Variants in NXPE3 observed in about 807,000 individuals in gnomAD.
NXPE3 encodes the protein neurexophilin and PC-esterase domain family member 3.
A neutral mutation model predicts 46.1 loss-of-function variants in NXPE3; 26 were observed. That is an observed-to-expected ratio of 0.56 (90% confidence interval 0.41 to 0.78). The LOEUF (loss-of-function observed/expected upper bound fraction) is 0.78, where lower values mean the gene tolerates loss of function less well. Among genes scored for constraint, NXPE3 ranks in the 30% least tolerant of loss-of-function variants. NXPE3 has a pLI of 0.00. For synonymous variants in NXPE3, 272 were observed against 257.9 expected (o/e 1.05, Z -0.52); for missense variants, 620 against 686.0 (o/e 0.90, Z 1.07).
intron 3 of NXPE3, among the ~76,000 whole-genome samples, chr3:101,783,723 T>C (rs1481544301): frequency 1.3e-5 from 2 of 152,236 alleles, no homozygotes; most frequent in African/African-American, 4.8e-5. Context: ...TCCTGTGGAC[T>C]ACCATCTTTG....
intron 1 of NXPE3, chr3:101,780,007 G>A (rs974091090): frequency 6.6e-6 from 1 of 152,244 alleles, no homozygotes; most frequent in Non-Finnish European, 1.5e-5. Context: ...AATAAGAGGG[G>A]TTCCGAGGCA....
intron 4 of NXPE3, among the ~76,000 whole-genome samples, chr3:101,788,879 G>C (rs1027953339): frequency 6.6e-6 from 1 of 152,144 alleles, no homozygotes; most frequent in South Asian, 2.1e-4. Flanking sequence ...GCCTCCCAAA[G>C]TGCTGGGATT....
At chr3:101,786,863 A>G (rs1256811021) in intron 4 of NXPE3, among the ~76,000 whole-genome samples, 1 of 152,110 alleles carries the variant, frequency 6.6e-6, no homozygotes, top group African/African-American at 2.4e-5. Context: ...TTGTTGTGCA[A>G]TCACCCCACC....
In NXPE3 at chr3:101,816,973, GT is replaced by G. The variant is rs1246628997; in HGVS notation, c.1104del (p.Phe368LeufsTer11). On this transcript the variant is annotated frameshift_variant, in exon 7 of 8. Coordinates refer to ENST00000273347, the MANE Select transcript of NXPE3 (RefSeq NM_145037.4). LOFTEE classifies it high-confidence loss of function. ...LFGDSTIRQW[F>X]EYLTTFVPDL... ...TTGGTGACTCAACAATCAGGCAATG[GT>G]TTGAATACCTTACTACATTTGTTCC... 35 of 1,614,022 alleles carry G rather than the reference GT, an allele frequency of 2.2e-5. No individual in the cohort carries two copies. Among genetic ancestry groups the G allele is most frequent in the Non-Finnish European group, 3.0e-5 (35 of 1,180,006 alleles).
intron 4 of NXPE3, among the ~76,000 whole-genome samples, chr3:101,798,393 CTTTCT>C (rs977746821): frequency 6.6e-6 from 1 of 151,768 alleles, no homozygotes; most frequent in Non-Finnish European, 1.5e-5. Context: ...TTTAATTTTT[CTTTCT>C]TTTAAGCACA....
intron 4 of NXPE3, among the ~76,000 whole-genome samples, chr3:101,793,040 T>C (rs1462573022): frequency 6.6e-6 from 1 of 152,206 alleles, no homozygotes; most frequent in Non-Finnish European, 1.5e-5. Context: ...TGAATGGGAT[T>C]GCCTTTCTGA....
At chr3:101,787,369 C>T (rs777101948) in intron 4 of NXPE3, among the ~76,000 whole-genome samples, 5 of 152,162 alleles carry the variant, frequency 3.3e-5, no homozygotes, top group Admixed American at 2.0e-4. Flanking sequence ...TGCAATGGCA[C>T]GATCTTGTCT....
intron 4 of NXPE3, among the ~76,000 whole-genome samples, chr3:101,795,049 A>G (rs1940745853): frequency 2.0e-5 from 3 of 152,172 alleles, no homozygotes; most frequent in Admixed American, 6.5e-5. Context: ...GCTACTTATT[A>G]CTGTGATGAT....
intron 6 of NXPE3, among the ~76,000 whole-genome samples, chr3:101,816,528 T>G (rs1194163050): frequency 6.6e-6 from 1 of 152,146 alleles, no homozygotes; most frequent in Non-Finnish European, 1.5e-5. Flanking sequence ...GGTGTTTGGT[T>G]TTCTGTTCCT....
intron 1 of NXPE3, chr3:101,781,764 C>A (rs1282615270): frequency 6.6e-6 from 1 of 152,104 alleles, no homozygotes; most frequent in Non-Finnish European, 1.5e-5. Flanking sequence ...AAAACAAGAT[C>A]ATTGGATCAT....
intron 4 of NXPE3, among the ~76,000 whole-genome samples, chr3:101,799,623 A>G (rs1284071728): frequency 6.6e-6 from 1 of 151,926 alleles, no homozygotes; most frequent in East Asian, 1.9e-4. Flanking sequence ...ATGGGGTTTC[A>G]GCATGTTGGC....
At position 101,785,592 on chromosome 3, in the gene NXPE3, A is replaced by G. The variant is rs755322953; in HGVS notation, c.-5A>G. The G allele has an allele frequency of 3.7e-6, 6 of 1,613,752 alleles. No individual in the cohort carries two copies. Among genetic ancestry groups the G allele is most frequent in the African/African-American group, 1.3e-5 (1 of 75,056 alleles). Reference sequence around the variant, plus strand: ...GGCCATGGGTGAACAAGACACAGCCAGACAATGTGGACCAATTTCTTCAAA... The same window carrying G: ...GGCCATGGGTGAACAAGACACAGCCGGACAATGTGGACCAATTTCTTCAAA... On this transcript the variant is annotated 5_prime_UTR_variant, in exon 4 of 8. Coordinates refer to ENST00000273347, the MANE Select transcript of NXPE3 (RefSeq NM_145037.4).
At chr3:101,816,749 G>T in intron 6 of NXPE3, 46 bp from the exon 7 acceptor site, 1 of 1,424,948 alleles carries the variant, frequency 7.0e-7, no homozygotes, top group Non-Finnish European at 9.8e-7. Flanking sequence ...TTCATCTATT[G>T]TTGGAGGAGA....
Position 101,827,711 on chromosome 3 carries a change from T to C in NXPE3, c.*5757T>C, listed in dbSNP as rs1482920395. 6.6e-6 allele frequency among the ~76,000 whole-genome samples: 1 copy of C among 152,200 alleles called. No homozygotes were observed. Among genetic ancestry groups the C allele is most frequent in the Admixed American group, 6.5e-5 (1 of 15,282 alleles). On this transcript the variant is annotated 3_prime_UTR_variant, in exon 8 of 8. Coordinates refer to ENST00000273347, the MANE Select transcript of NXPE3 (RefSeq NM_145037.4). ...CCTCCCTGCGGCTCCAGTCCAGGTCTTGGAGCCGGCCCTCGAGGGGAATGT... is the reference window on the plus strand; with the variant it reads ...CCTCCCTGCGGCTCCAGTCCAGGTCCTGGAGCCGGCCCTCGAGGGGAATGT...
intron 4 of NXPE3, among the ~76,000 whole-genome samples, chr3:101,799,237 A>G (rs753325418): frequency 2.4e-4 from 37 of 152,198 alleles, no homozygotes; most frequent in Middle Eastern, 3.4e-3. Flanking sequence ...ACTGCACCTG[A>G]TCTACTACTG....
In NXPE3 at chr3:101,821,979, A is replaced by G; in HGVS notation, c.*25A>G. 2 of 1,593,168 alleles carry G rather than the reference A, an allele frequency of 1.3e-6. No homozygotes were observed. Among genetic ancestry groups the G allele is most frequent in the Non-Finnish European group, 1.7e-6 (2 of 1,164,942 alleles). On this transcript the variant is annotated 3_prime_UTR_variant, in exon 8 of 8. Transcript: ENST00000273347. ...GCCTGTCTTGGAAGGGACTGGAGGA[A>G]TCATATTCAATGACCTTCTCAATTG...
chr3:101,810,617 A>G (rs1941663193), intron 6 of NXPE3, among the ~76,000 whole-genome samples: 1 of 152,206 alleles, frequency 6.6e-6, no homozygotes, highest in African/African-American at 2.4e-5. Context: ...TCCTGAAGAA[A>G]TTCAAAGTGT....
intron 1 of NXPE3, among the ~76,000 whole-genome samples, chr3:101,780,580 A>T (rs1175586480): frequency 6.6e-6 from 1 of 152,166 alleles, no homozygotes; most frequent in East Asian, 1.9e-4. Flanking sequence ...AAAAAAAGCT[A>T]CTTCTTGGGC....
At chr3:101,779,648 A>G (rs986917906) in intron 1 of NXPE3, 2 of 152,676 alleles carry the variant, frequency 1.3e-5, no homozygotes, top group African/African-American at 4.8e-5. Flanking sequence ...GAGCATCTCC[A>G]TCCTCAGTTT....
Sources: allele counts gnomAD v4.1 joint callset (sites outside exome capture counted in the v4.1 genomes callset), GRCh38; gene constraint gnomAD v4.1.1; transcripts MANE v1.5; gene names NCBI Gene and HGNC (gene_info 2026-07-23, HGNC 2026-07-21).